Variants in KIF6 observed in about 807,000 individuals in gnomAD.
The protein encoded by KIF6 is kinesin-like protein KIF6.
KIF6 carries 106 observed loss-of-function variants against 112.7 expected under a neutral mutation model. The ratio of observed to expected loss-of-function variants is 0.94; its 90% CI spans 0.80 to 1.11. The LOEUF (loss-of-function observed/expected upper bound fraction) is 1.11. KIF6 is among the 50% of genes least tolerant of loss of function. KIF6 has a pLI of 0.00. For synonymous variants in KIF6, 339 were observed against 339.9 expected, an observed-to-expected ratio of 1.00 and a Z score of 0.03; for missense variants, 929 against 964.0, an observed-to-expected ratio of 0.96 and a Z score of 0.48.
intron 13 of KIF6, among the ~76,000 whole-genome samples, chr6:39,501,706 G>C (rs567967917): frequency 1.4e-4 from 21 of 152,292 alleles, no homozygotes; most frequent in African/African-American, 5.1e-4. Context: ...TAATAGCAGA[G>C]TAGATCAAGT....
At chr6:39,665,683 T>C (rs759183610) in intron 3 of KIF6, among the ~76,000 whole-genome samples, 1 of 152,184 alleles carries the variant, frequency 6.6e-6, no homozygotes, top group Non-Finnish European at 1.5e-5. Flanking sequence ...TCATTAATTA[T>C]ATTTTGAAGT....
intron 13 of KIF6, among the ~76,000 whole-genome samples, chr6:39,498,788 A>AT (rs1581986497): frequency 2.0e-5 from 3 of 152,178 alleles, no homozygotes; most frequent in African/African-American, 7.2e-5. Flanking sequence ...TTCTAACAGC[A>AT]TTTTAAAAAT....
At chr6:39,479,808 C>T (rs964542297) in intron 13 of KIF6, among the ~76,000 whole-genome samples, 1 of 151,482 alleles carries the variant, frequency 6.6e-6, no homozygotes, top group African/African-American at 2.4e-5. Flanking sequence ...TATTTTTTTG[C>T]AGCTATTGTA....
At chr6:39,638,598 T>C (rs1784746729) in intron 4 of KIF6, among the ~76,000 whole-genome samples, 1 of 152,128 alleles carries the variant, frequency 6.6e-6, no homozygotes, top group South Asian at 2.1e-4. Flanking sequence ...TAATTGCTAC[T>C]TTATGGATGG....
At chr6:39,692,070 A>T (rs1356304474) in intron 3 of KIF6, among the ~76,000 whole-genome samples, 5 of 152,216 alleles carry the variant, frequency 3.3e-5, no homozygotes, top group African/African-American at 1.2e-4. Context: ...CTTCACCTGA[A>T]CGTGGGAGGC....
At chr6:39,717,531 C>A (rs1043836252) in intron 2 of KIF6, among the ~76,000 whole-genome samples, 3 of 152,102 alleles carry the variant, frequency 2.0e-5, no homozygotes, top group East Asian at 1.9e-4. Context: ...CTCTCCTTCA[C>A]CCCCCTCATC....
chr6:39,607,583 C>CTTATTTAT (rs150368183), intron 6 of KIF6, among the ~76,000 whole-genome samples: 240 of 151,498 alleles, frequency 1.6e-3, no homozygotes, highest in Non-Finnish European at 2.0e-3. Context: ...AAATGCTATT[C>CTTATTTAT]TTATTTATTT....
chr6:39,345,638 A>C (rs1230577907), intron 21 of KIF6, 62 bp downstream of exon 21: 1 of 1,370,956 alleles, frequency 7.3e-7, no homozygotes, highest in East Asian at 2.4e-5. Context: ...TAGACTGGAG[A>C]TGGAGGCCCA....
intron 6 of KIF6, among the ~76,000 whole-genome samples, 157 bp downstream of exon 6, chr6:39,613,032 T>A (rs890044585): frequency 3.3e-5 from 5 of 152,308 alleles, no homozygotes; most frequent in South Asian, 2.1e-4. Flanking sequence ...CTTATCTAGA[T>A]CTGGGTTTCT....
intron 3 of KIF6, among the ~76,000 whole-genome samples, chr6:39,679,593 T>C (rs552405151): frequency 8.6e-5 from 13 of 150,622 alleles, no homozygotes; most frequent in Non-Finnish European, 1.6e-4. Flanking sequence ...AGATAATACA[T>C]GGCAGGGTTT....
intron 8 of KIF6, 38 bp from the exon 9 acceptor site, chr6:39,585,022 T>A (rs995756543): frequency 6.3e-6 from 7 of 1,112,484 alleles, no homozygotes; most frequent in Admixed American, 1.9e-5. Context: ...TATTATGGCA[T>A]AGAGAGATAT....
intron 10 of KIF6, among the ~76,000 whole-genome samples, chr6:39,549,330 C>A (rs1024215363): frequency 2.0e-5 from 3 of 152,116 alleles, no homozygotes; most frequent in Non-Finnish European, 4.4e-5. Context: ...TGACAGCCAA[C>A]ATTGAGCATG....
intron 10 of KIF6, among the ~76,000 whole-genome samples, chr6:39,559,572 G>A (rs917822096): frequency 2.6e-5 from 4 of 152,128 alleles, no homozygotes; most frequent in African/African-American, 9.7e-5. Context: ...GAGCTGAGAT[G>A]GCCAGGTAGA....
At position 39,357,282 on chromosome 6, in the gene KIF6, G is replaced by T; in HGVS notation, c.2175C>A (p.Asn725Lys). Residue 725 changes from asparagine to lysine, a missense_variant, in exon 19 of 23, where the codon AAC becomes AAA. Asn to Lys is a moderately conservative substitution (Grantham distance 94). Around this residue, in one of 2 missense-constraint regions of KIF6, gnomAD observed 241 missense variants for 301.4 expected, o/e 0.80. Coordinates refer to ENST00000287152, the MANE Select transcript of KIF6 (RefSeq NM_145027.6). The part of the protein sequence containing the change: ...SQHEWSQLLS[N>K]KSSGGWEVQD... Reference sequence around the variant, plus strand: ...CCGGTGAGTTCTCACCTTACCTTTTGTTAGAGAGGAGTTGGGACCATTCAT... The same window carrying T: ...CCGGTGAGTTCTCACCTTACCTTTTTTTAGAGAGGAGTTGGGACCATTCAT... 1 of 1,610,090 alleles carries T rather than the reference G, an allele frequency of 6.2e-7. No homozygotes were observed. The highest frequency in any genetic ancestry group is 1.1e-5 in the South Asian group (1 of 90,812).
chr6:39,658,848 A>G (rs1408568849), intron 3 of KIF6, among the ~76,000 whole-genome samples: 1 of 152,172 alleles, frequency 6.6e-6, no homozygotes, highest in Non-Finnish European at 1.5e-5. Flanking sequence ...TGAATGCACA[A>G]AAAAGACCTA....
At chr6:39,609,087 A>G (rs1318031981) in intron 6 of KIF6, among the ~76,000 whole-genome samples, 1 of 152,240 alleles carries the variant, frequency 6.6e-6, no homozygotes, top group East Asian at 1.9e-4. Flanking sequence ...CCAAGGACAC[A>G]CACTTGGCAA....
rs186058814 is a variant in KIF6, at chr6:39,444,960, C to T, written c.1646-13799G>A. ...TAGGGAAGGCACCAGACACCTGACA[C>T]CTGGGAGGAGCCGCATCACCTGAGA... On this transcript the variant is annotated intron_variant, in intron 13 of 22. Transcript: ENST00000287152. 3.9e-5 allele frequency among the ~76,000 whole-genome samples: 6 copies of T among 152,276 alleles called. No homozygotes were observed. The East Asian group carries it at 1.2e-3, about 29-fold the overall frequency.
chr6:39,403,849 A>G (rs1768887099), intron 15 of KIF6, among the ~76,000 whole-genome samples: 2 of 152,218 alleles, frequency 1.3e-5, no homozygotes, highest in Admixed American at 1.3e-4. Flanking sequence ...ATTCTAATAA[A>G]CAAATGGTCA....
chr6:39,463,745 T>A (rs1419637315), intron 13 of KIF6, among the ~76,000 whole-genome samples: 1 of 152,224 alleles, frequency 6.6e-6, no homozygotes, highest in African/African-American at 2.4e-5. Flanking sequence ...ATAGTGACTG[T>A]CAGTTGTCTT....
Sources: gnomAD v4.1 joint callset for allele counts (sites outside exome capture counted in the v4.1 genomes callset) on GRCh38, gnomAD v4.1.1 for gene constraint, gnomAD v4.1.1 regional missense constraint, MANE v1.5 for transcripts, NCBI Gene and HGNC (gene_info 2026-07-23, HGNC 2026-07-21) for gene names.